MAST2: variants seen among roughly 807,000 people sequenced by gnomAD.
The protein encoded by MAST2 is microtubule-associated serine/threonine-protein kinase 2.
MAST2 carries 70 observed loss-of-function variants against 147.4 expected under a neutral mutation model. That is an observed-to-expected ratio of 0.47 (90% CI 0.39 to 0.58). The LOEUF is 0.58. Ranked by LOEUF, MAST2 falls within the 20% of genes least tolerant of loss-of-function variation. MAST2 has a pLI of 0.00. For missense variants in MAST2, 2,080 were observed against 2,302.3 expected (o/e 0.90, Z 1.98); for synonymous variants, 869 against 896.8 (o/e 0.97, Z 0.55).
At chr1:45,826,877 G>A (rs1279141268) in intron 2 of MAST2, among the ~76,000 whole-genome samples, 1 of 151,964 alleles carries the variant, frequency 6.6e-6, no homozygotes, top group African/African-American at 2.4e-5. Flanking sequence ...TCACCAGGCT[G>A]GAATGCAGTG....
Position 45,829,624 on chromosome 1 carries a change from A to G in MAST2, c.468+43A>G, listed in dbSNP as rs780724125. 14 of 1,567,144 alleles carry G rather than the reference A, an allele frequency of 8.9e-6. No individual in the cohort carries two copies. The Middle Eastern group carries it at 5.1e-4, about 57-fold the overall frequency. ...TGGCATTTTGCTCTATGAAAAATCC[A>G]TAATTGTCATTTGTCATTGCAACAT... On this transcript the variant is annotated intron_variant, in intron 3 of 28. Coordinates refer to ENST00000361297, the MANE Select transcript of MAST2 (RefSeq NM_015112.3).
At chr1:45,915,081 C>T (rs1441427625) in intron 4 of MAST2, among the ~76,000 whole-genome samples, 1 of 152,102 alleles carries the variant, frequency 6.6e-6, no homozygotes, top group Non-Finnish European at 1.5e-5. Context: ...CAGGCATGCA[C>T]CACCAAGCCT....
At position 45,856,371 on chromosome 1, in the gene MAST2, C is replaced by T. The variant is rs553382217; in HGVS notation, c.469-25993C>T. Among the ~76,000 whole-genome samples the T allele has an allele frequency of 2.0e-5, 3 of 152,298 alleles. No individual in the cohort carries two copies. In the East Asian group the frequency reaches 5.8e-4, roughly 29 times the overall value. On this transcript the variant is annotated intron_variant, in intron 3 of 28. Transcript: ENST00000361297. ...ATGGAACTAATATGTGGCTTCTTCT[C>T]ATATAAGAAGTCTAGGGAAAACCTT...
At chr1:45,804,797 A>G (rs1644090231) in intron 1 of MAST2, among the ~76,000 whole-genome samples, 1 of 152,232 alleles carries the variant, frequency 6.6e-6, no homozygotes, top group South Asian at 2.1e-4. Flanking sequence ...ATTTATGAGT[A>G]GGGGATAAAG....
At chr1:45,883,893 T>G (rs965318373) in intron 4 of MAST2, among the ~76,000 whole-genome samples, 1 of 137,534 alleles carries the variant, frequency 7.3e-6, no homozygotes, top group South Asian at 2.7e-4. Flanking sequence ...TTGTACTTGG[T>G]CATTTTTCTA....
intron 4 of MAST2, among the ~76,000 whole-genome samples, chr1:45,891,390 A>AG (rs1402675115): frequency 2.6e-5 from 4 of 152,072 alleles, no homozygotes; most frequent in Admixed American, 1.3e-4. Flanking sequence ...CTAGCTACTT[A>AG]GGGGGCTGAA....
chr1:45,857,736 G>A lies in MAST2; in HGVS notation c.469-24628G>A, dbSNP rs140048517. ...ATTTACATTAGGTATATCTCCTAAT[G>A]CTATCCCTCTCCCCTCCCCCGACTC... On this transcript the variant is annotated intron_variant, in intron 3 of 28. Transcript: ENST00000361297. 3.0e-3 allele frequency among the ~76,000 whole-genome samples: 451 copies of A among 151,802 alleles called. 3 individuals carry two copies. Among genetic ancestry groups the A allele is most frequent in the East Asian group, 0.021 (109 of 5,164 alleles).
intron 16 of MAST2, 36 bp from the exon 17 acceptor site, chr1:46,027,695 G>T: frequency 6.3e-7 from 1 of 1,597,532 alleles, no homozygotes; most frequent in South Asian, 1.1e-5. Flanking sequence ...AGAAAACCAG[G>T]AATAACTTCT....
chr1:45,901,846 T>C (rs1228382547), intron 4 of MAST2, among the ~76,000 whole-genome samples: 2 of 152,248 alleles, frequency 1.3e-5, no homozygotes, highest in East Asian at 3.8e-4. Flanking sequence ...GAAACTTTAC[T>C]AAAATTGTTT....
rs1262010913 is a variant in MAST2 at position 46,019,592 on chromosome 1, A to G, written c.1189-4A>G. On this transcript the variant is annotated splice_region_variant and splice_polypyrimidine_tract_variant and intron_variant, in intron 10 of 28. Coordinates refer to ENST00000361297, the MANE Select transcript of MAST2 (RefSeq NM_015112.3). ...AGATTAAGCAACGCTTCTTTTCTCT[A>G]TAGGCTCATGAGCGCTCAGAGAGCT... is the stretch of plus-strand genomic sequence containing the variant. 2 of 1,612,970 alleles carry G rather than the reference A, an allele frequency of 1.2e-6. No individual in the cohort carries two copies. Among genetic ancestry groups the G allele is most frequent in the East Asian group, 4.5e-5 (2 of 44,872 alleles).
chr1:45,831,008 C>T (rs1031095395), intron 3 of MAST2, among the ~76,000 whole-genome samples: 14 of 140,664 alleles, frequency 1.0e-4, no homozygotes, highest in Middle Eastern at 3.9e-3. Context: ...CACACTCTGG[C>T]GACAGAGTGA....
At chr1:45,995,731 T>C (rs1301277897) in intron 5 of MAST2, among the ~76,000 whole-genome samples, 1 of 152,162 alleles carries the variant, frequency 6.6e-6, no homozygotes, top group Non-Finnish European at 1.5e-5. Context: ...CTAAACTGCT[T>C]TTAAGCTAAT....
intron 4 of MAST2, among the ~76,000 whole-genome samples, chr1:45,919,791 G>A (rs1653146929): frequency 7.1e-6 from 1 of 140,650 alleles, no homozygotes; most frequent in South Asian, 2.3e-4. Flanking sequence ...TAAATTTCAT[G>A]TTTTTTTTTT....
intron 3 of MAST2, among the ~76,000 whole-genome samples, chr1:45,831,782 T>TCC (rs1557814286): frequency 1.1e-5 from 1 of 95,170 alleles, no homozygotes; most frequent in African/African-American, 3.1e-5. Context: ...GTTTAATAGT[T>TCC]TTTTTTTTTT....
chr1:45,982,773 C>G (rs1644462791), intron 5 of MAST2, among the ~76,000 whole-genome samples: 2 of 152,192 alleles, frequency 1.3e-5, no homozygotes, highest in South Asian at 4.1e-4. Flanking sequence ...CTTGGCCCCT[C>G]CCCCTGCCAT....
At chr1:45,942,370 G>C (rs2148809632) in intron 4 of MAST2, among the ~76,000 whole-genome samples, 1 of 152,200 alleles carries the variant, frequency 6.6e-6, no homozygotes, top group South Asian at 2.1e-4. Context: ...GTTTTCTTCA[G>C]TAAAGCTACC....
intron 3 of MAST2, among the ~76,000 whole-genome samples, chr1:45,866,301 C>T (rs1374379868): frequency 6.6e-6 from 1 of 152,062 alleles, no homozygotes; most frequent in Non-Finnish European, 1.5e-5. Flanking sequence ...ACTAATTTCT[C>T]CTGTTAGCAC....
At chr1:45,869,116 AC>A (rs1646277914) in intron 3 of MAST2, among the ~76,000 whole-genome samples, 2 of 151,862 alleles carry the variant, frequency 1.3e-5, no homozygotes, top group Non-Finnish European at 2.9e-5. Context: ...TTTTTTTCTG[AC>A]ATTCCCCCCA....
intron 1 of MAST2, among the ~76,000 whole-genome samples, chr1:45,813,135 A>G (rs1406969686): frequency 1.3e-5 from 2 of 152,108 alleles, no homozygotes; most frequent in Non-Finnish European, 2.9e-5. Flanking sequence ...ATATAATACA[A>G]TGTAAATGCT....
Sources: gnomAD v4.1 joint callset for allele counts (sites outside exome capture counted in the v4.1 genomes callset) on GRCh38, gnomAD v4.1.1 for gene constraint, MANE v1.5 for transcripts, NCBI Gene and HGNC (gene_info 2026-07-23, HGNC 2026-07-21) for gene names.